Variants in RFC3 observed in about 807,000 individuals in gnomAD.
The protein encoded by RFC3 is A1 38 kDa subunit.
A neutral mutation model predicts 45.1 loss-of-function variants in RFC3; 41 were observed. The ratio of observed to expected loss-of-function variants is 0.91; its 90% CI spans 0.71 to 1.18. The LOEUF (loss-of-function observed/expected upper bound fraction) is 1.18. Among genes scored for constraint, RFC3 ranks in the 50% most tolerant of loss-of-function variants. RFC3 has a pLI of 0.00. For synonymous variants in RFC3, 149 were observed against 144.0 expected (o/e 1.03, Z -0.25); for missense variants, 423 against 428.1 (o/e 0.99, Z 0.10).
At position 33,830,823 on chromosome 13, in the gene RFC3, C is replaced by A; in HGVS notation, c.678C>A (p.Ala226=). 6.2e-7 allele frequency: 1 copy of A among 1,613,638 alleles called. No individual in the cohort carries two copies. Among genetic ancestry groups the A allele is most frequent in the Non-Finnish European group, 8.5e-7 (1 of 1,179,818 alleles). The change falls in exon 6 of 9, where the codon GCC becomes GCA. Residue 226 remains alanine, a synonymous_variant. Coordinates refer to ENST00000380071, the MANE Select transcript of RFC3 (RefSeq NM_002915.4). Reference sequence around the variant, plus strand: ...AGTCTTGTAGAAATCTCAGAAAAGCCCTGCTTATGTGTGAAGCCTGCAGAG... The same window carrying A: ...AGTCTTGTAGAAATCTCAGAAAAGCACTGCTTATGTGTGAAGCCTGCAGAG... ...AEKSCRNLRK[A]LLMCEACRVQ...
Position 33,818,200 on chromosome 13 carries a change from T to A in RFC3, c.22T>A (p.Tyr8Asn). The A allele has an allele frequency of 6.2e-7, 1 of 1,613,516 alleles. No individual in the cohort carries two copies. The highest frequency in any genetic ancestry group is 8.5e-7 in the Non-Finnish European group (1 of 1,179,930). The change falls in exon 1 of 9, where the codon TAT becomes AAT. Residue 8 changes from tyrosine to asparagine, a missense_variant. Transcript: ENST00000380071. The stretch of plus-strand genomic sequence containing the variant: ...TGCCATGAGCCTCTGGGTGGACAAG[T>A]ATCGGCCCTGCTCCTTGGGACGGCT... MSLWVDKYRPCSLGRLDY... is the reference protein window; with the variant it reads MSLWVDKNRPCSLGRLDY...
intron 8 of RFC3, among the ~76,000 whole-genome samples, chr13:33,939,477 G>A (rs1374559936): frequency 6.6e-6 from 1 of 152,170 alleles, no homozygotes; most frequent in African/African-American, 2.4e-5. Flanking sequence ...CTCTCTGTGT[G>A]ACTCCCTCGC....
chr13:33,917,725 A>G (rs1181499508), intron 8 of RFC3, among the ~76,000 whole-genome samples: 1 of 152,006 alleles, frequency 6.6e-6, no homozygotes, highest in African/African-American at 2.4e-5. Flanking sequence ...GGGATTGCAA[A>G]CCTTTCCTGA....
intron 8 of RFC3, among the ~76,000 whole-genome samples, chr13:33,939,162 TG>T (rs2082907960): frequency 1.3e-5 from 2 of 152,202 alleles, no homozygotes; most frequent in Non-Finnish European, 2.9e-5. Flanking sequence ...ATATATATTT[TG>T]TGGCTTGTTT....
chr13:33,901,549 A>G (rs1385724974), intron 8 of RFC3, among the ~76,000 whole-genome samples: 1 of 152,040 alleles, frequency 6.6e-6, no homozygotes, highest in Non-Finnish European at 1.5e-5. Flanking sequence ...GTAGAGAGGA[A>G]GGAAGGATGA....
intron 8 of RFC3, among the ~76,000 whole-genome samples, chr13:33,959,985 G>A (rs2083046139): frequency 1.3e-5 from 2 of 152,036 alleles, no homozygotes; most frequent in Non-Finnish European, 2.9e-5. Flanking sequence ...GTGAAAGCAG[G>A]AGCAAGAGAG....
chr13:33,929,463 A>G (rs1433608541), intron 8 of RFC3, among the ~76,000 whole-genome samples: 1 of 152,148 alleles, frequency 6.6e-6, no homozygotes, highest in East Asian at 1.9e-4. Flanking sequence ...GATAAAGCTT[A>G]CTAAAGGTTA....
At chr13:33,831,189 GGGA>G in intron 6 of RFC3, 64 bp from the exon 7 acceptor site, 1 of 974,046 alleles carries the variant, frequency 1.0e-6, no homozygotes, top group Non-Finnish European at 1.6e-6. Flanking sequence ...CCAGTGGTTG[GGGA>G]CTCCTGTTTT....
In RFC3 at chr13:33,844,033, C is replaced by G. The variant is rs565712554; in HGVS notation, c.879+8816C>G. Among the ~76,000 whole-genome samples, 4 of 152,186 alleles carry G rather than the reference C, an allele frequency of 2.6e-5. No individual in the cohort carries two copies. The South Asian group carries it at 8.3e-4, about 32-fold the overall frequency. Reference sequence around the variant, plus strand: ...GTTGGGTTTGTTCTATGTTGATTGTCTTTTTCTTTTGATGATTAATCATGT... The same window carrying G: ...GTTGGGTTTGTTCTATGTTGATTGTGTTTTTCTTTTGATGATTAATCATGT... On this transcript the variant is annotated intron_variant, in intron 8 of 8. Coordinates refer to the RFC3 transcript ENST00000434425.
chr13:33,820,915 A>ATATATATATATATATATT (rs1322263977), intron 1 of RFC3, among the ~76,000 whole-genome samples: 2 of 2,416 alleles, frequency 8.3e-4, no homozygotes, highest in Non-Finnish European at 8.3e-3. Context: ...ATATATATTT[A>ATATATATATATATATATT]TATATATATA....
At chr13:33,862,455 C>A (rs1277748340) in intron 8 of RFC3, among the ~76,000 whole-genome samples, 2 of 152,032 alleles carry the variant, frequency 1.3e-5, no homozygotes, top group African/African-American at 4.8e-5. Flanking sequence ...TTAATGCTTC[C>A]CATCCTTTAT....
chr13:33,940,917 A>T (rs1476422639), intron 8 of RFC3, among the ~76,000 whole-genome samples: 1 of 152,218 alleles, frequency 6.6e-6, no homozygotes, highest in Non-Finnish European at 1.5e-5. Flanking sequence ...ATTTATCCAC[A>T]TATTTACAAC....
chr13:33,943,785 G>C (rs1021002847), intron 8 of RFC3, among the ~76,000 whole-genome samples: 7 of 151,304 alleles, frequency 4.6e-5, no homozygotes, highest in Admixed American at 4.6e-4. Context: ...CTCTTATTTT[G>C]ATTAAAGTCA....
At chr13:33,830,429 A>T (rs930444189) in intron 5 of RFC3, among the ~76,000 whole-genome samples, 4 of 152,216 alleles carry the variant, frequency 2.6e-5, no homozygotes, top group African/African-American at 9.6e-5. Context: ...ATATGAATAT[A>T]TATACATAGA....
chr13:33,857,366 T>C (rs949267904), intron 8 of RFC3, among the ~76,000 whole-genome samples: 2 of 152,168 alleles, frequency 1.3e-5, no homozygotes, highest in African/African-American at 4.8e-5. Context: ...ATGGAATGTA[T>C]GGTTCTGACT....
At chr13:33,941,166 A>G (rs899563375) in intron 8 of RFC3, among the ~76,000 whole-genome samples, 1 of 152,072 alleles carries the variant, frequency 6.6e-6, no homozygotes, top group African/African-American at 2.4e-5. Flanking sequence ...CAGCAGGGGT[A>G]GTAACCTGGG....
At chr13:33,856,268 A>T (rs1275046541) in intron 8 of RFC3, among the ~76,000 whole-genome samples, 1 of 152,278 alleles carries the variant, frequency 6.6e-6, no homozygotes, top group East Asian at 1.9e-4. Flanking sequence ...TTTTATTTAT[A>T]AGTGGGAGTT....
At chr13:33,861,525 A>T (rs1296567774) in intron 8 of RFC3, among the ~76,000 whole-genome samples, 1 of 151,950 alleles carries the variant, frequency 6.6e-6, no homozygotes, top group Non-Finnish European at 1.5e-5. Context: ...GGCACCTGTA[A>T]TTCCAGCTAT....
At chr13:33,851,696 AG>A (rs2082277711) in intron 8 of RFC3, among the ~76,000 whole-genome samples, 1 of 152,142 alleles carries the variant, frequency 6.6e-6, no homozygotes, top group Admixed American at 6.6e-5. Context: ...CATGTTTTTC[AG>A]GGGTCAACTG....
Sources: allele counts gnomAD v4.1 joint callset (sites outside exome capture counted in the v4.1 genomes callset), GRCh38; gene constraint gnomAD v4.1.1; transcripts MANE v1.5; gene names NCBI Gene and HGNC (gene_info 2026-07-23, HGNC 2026-07-21).